The following ITPR2 variants were observed in gnomAD, a reference collection of about 807,000 sequenced individuals.
ITPR2 encodes the protein inositol 1,4,5-trisphosphate-gated calcium channel ITPR2.
Under a neutral mutation model 317.1 loss-of-function variants are expected in ITPR2, and 207 were observed. The observed-to-expected ratio is 0.65, with a 90% confidence interval of 0.58 to 0.73. The LOEUF is 0.73. ITPR2 is among the 30% of genes least tolerant of loss of function. The probability of loss-of-function intolerance (pLI) is 0.00; values close to 1 mark genes in which losing one functional copy is unlikely to be tolerated. For synonymous variants in ITPR2, 1,156 were observed against 1,149.1 expected, an observed-to-expected ratio of 1.01 and a Z score of -0.12; for missense variants, 2,613 against 3,284.0, an observed-to-expected ratio of 0.80 and a Z score of 4.99.
intron 37 of ITPR2, among the ~76,000 whole-genome samples, chr12:26,545,341 G>A (rs909379854): frequency 3.3e-5 from 5 of 152,114 alleles, no homozygotes. Context: ...AAGGAGACAG[G>A]AGCATCAGAG....
intron 34 of ITPR2, among the ~76,000 whole-genome samples, chr12:26,562,575 GA>G (rs375674211): frequency 6.1e-4 from 93 of 152,322 alleles, no homozygotes; most frequent in African/African-American, 2.2e-3. Context: ...ATGAAGATGG[GA>G]TTAGTCCATC....
intron 1 of ITPR2, among the ~76,000 whole-genome samples, chr12:26,798,357 T>C (rs187609172): frequency 7.2e-5 from 11 of 152,362 alleles, no homozygotes; most frequent in Admixed American, 4.6e-4. Flanking sequence ...TCTCTGCTCC[T>C]GTTTTGTGAC....
chr12:26,409,780 T>C (rs1380107440), intron 52 of ITPR2, among the ~76,000 whole-genome samples: 1 of 152,116 alleles, frequency 6.6e-6, no homozygotes. Context: ...ACCATGAGGC[T>C]CATGGCACAT....
In ITPR2 at chr12:26,563,347, G is replaced by A. The variant is rs150161755; in HGVS notation, c.4631-1395C>T. Among the ~76,000 whole-genome samples, 323 of 152,256 alleles carry A rather than the reference G, an allele frequency of 2.1e-3. 5 individuals are homozygous for A. The East Asian group carries it at 0.039, about 18-fold the overall frequency. Reference sequence around the variant, plus strand: ...AGCACTTTGGGAGGCCGAGGCAGGCGGATCACAAGGTCAGGAGATCGAGAC... The same window carrying A: ...AGCACTTTGGGAGGCCGAGGCAGGCAGATCACAAGGTCAGGAGATCGAGAC... On this transcript the variant is annotated intron_variant, in intron 34 of 56. Coordinates refer to ENST00000381340, the MANE Select transcript of ITPR2 (RefSeq NM_002223.4).
intron 10 of ITPR2, among the ~76,000 whole-genome samples, chr12:26,690,639 T>G (rs10842775): frequency 6.6e-6 from 1 of 152,126 alleles, no homozygotes; most frequent in South Asian, 2.1e-4. Flanking sequence ...TCTAGACTTA[T>G]AAGAAAAGAT....
rs1039910571 is a variant in ITPR2 at position 26,349,544 on chromosome 12, C to T, written c.7858-9216G>A. 3.3e-5 allele frequency among the ~76,000 whole-genome samples: 5 copies of T among 152,208 alleles called. No individual in the cohort carries two copies. In the South Asian group the frequency reaches 6.2e-4, roughly 19 times the overall value. ...TTGAAATATTGCTCAAATCTAAATG[C>T]TCAAATATCAGATTTACATTATATA... On this transcript the variant is annotated intron_variant, in intron 55 of 56. Transcript: ENST00000381340.
At chr12:26,559,079 T>C (rs931246660) in intron 35 of ITPR2, among the ~76,000 whole-genome samples, 28 of 152,354 alleles carry the variant, frequency 1.8e-4, no homozygotes, top group African/African-American at 6.7e-4. Context: ...GCATTACTAT[T>C]GTTACCTCCT....
At position 26,770,242 on chromosome 12, in the gene ITPR2, C is replaced by G. The variant is rs960877008; in HGVS notation, c.163+19915G>C. On this transcript the variant is annotated intron_variant, in intron 2 of 56. Coordinates refer to ENST00000381340, the MANE Select transcript of ITPR2 (RefSeq NM_002223.4). ...TTTCTCCATCTTCCCACACAGGCAG[C>G]CTTAGAGGTGAAAAAAGTCACAGAA... 2.6e-5 allele frequency among the ~76,000 whole-genome samples: 4 copies of G among 152,134 alleles called. No individual in the cohort carries two copies. In the East Asian group the frequency reaches 5.8e-4, roughly 22 times the overall value.
At chr12:26,356,074 C>T (rs936482662) in intron 55 of ITPR2, among the ~76,000 whole-genome samples, 4 of 152,168 alleles carry the variant, frequency 2.6e-5, no homozygotes, top group East Asian at 1.9e-4. Flanking sequence ...GAGGCAAACA[C>T]GGTGTGATGT....
intron 55 of ITPR2, among the ~76,000 whole-genome samples, chr12:26,350,664 CCAGACAA>C (rs1565483712): frequency 6.6e-6 from 1 of 152,026 alleles, no homozygotes; most frequent in African/African-American, 2.4e-5. Flanking sequence ...GTCTCACCCC[CCAGACAA>C]CAGCCTGGAC....
chr12:26,744,414 C>G (rs1949285764), intron 2 of ITPR2, among the ~76,000 whole-genome samples: 1 of 152,246 alleles, frequency 6.6e-6, no homozygotes, highest in African/African-American at 2.4e-5. Context: ...GCACAGGTAA[C>G]TCTGCCCCGA....
chr12:26,566,234 G>A (rs1944980777), intron 34 of ITPR2, among the ~76,000 whole-genome samples: 4 of 119,920 alleles, frequency 3.3e-5, no homozygotes, highest in South Asian at 6.8e-4. Context: ...AGAAGGAGGA[G>A]GAAAGAGGAG....
intron 9 of ITPR2, among the ~76,000 whole-genome samples, chr12:26,705,782 C>A (rs1948539575): frequency 6.6e-6 from 1 of 152,152 alleles, no homozygotes; most frequent in Non-Finnish European, 1.5e-5. Context: ...GTTCTGTCTC[C>A]CAAGAATGCC....
intron 13 of ITPR2, among the ~76,000 whole-genome samples, chr12:26,666,435 C>T (rs1298514724): frequency 1.3e-5 from 2 of 152,282 alleles, no homozygotes; most frequent in Admixed American, 6.5e-5. Context: ...CAACTGCACA[C>T]GAGTTGGTAG....
intron 35 of ITPR2, among the ~76,000 whole-genome samples, chr12:26,560,020 A>G (rs912496517): frequency 7.2e-5 from 11 of 152,246 alleles, no homozygotes; most frequent in African/African-American, 2.7e-4. Context: ...AGAAGAGCAT[A>G]GACCCCATGG....
intron 45 of ITPR2, among the ~76,000 whole-genome samples, chr12:26,470,051 TCAC>T (rs1942261602): frequency 6.6e-6 from 1 of 152,158 alleles, no homozygotes; most frequent in Non-Finnish European, 1.5e-5. Flanking sequence ...TGTCCCAACC[TCAC>T]CAGCCCCTAG....
At chr12:26,634,204 G>C (rs765727989) in intron 21 of ITPR2, among the ~76,000 whole-genome samples, 14 of 152,188 alleles carry the variant, frequency 9.2e-5, no homozygotes, top group Non-Finnish European at 2.1e-4. Context: ...TGGTGGTGAT[G>C]AGAAGTGCTA....
At chr12:26,342,858 C>T (rs1238922583) in intron 55 of ITPR2, among the ~76,000 whole-genome samples, 1 of 151,886 alleles carries the variant, frequency 6.6e-6, no homozygotes, top group African/African-American at 2.4e-5. Flanking sequence ...ATCCGCCTGC[C>T]TCGGCTTCCC....
chr12:26,781,877 T>A (rs545551225), intron 2 of ITPR2, among the ~76,000 whole-genome samples: 1 of 151,754 alleles, frequency 6.6e-6, no homozygotes, highest in Admixed American at 6.6e-5. Flanking sequence ...CCAGCCTACA[T>A]CTTTCTTCTG....
Sources: gnomAD v4.1 joint callset for allele counts (sites outside exome capture counted in the v4.1 genomes callset) on GRCh38, gnomAD v4.1.1 for gene constraint, MANE v1.5 for transcripts, NCBI Gene and HGNC (gene_info 2026-07-23, HGNC 2026-07-21) for gene names.